The following IGFN1 variants were observed in gnomAD, a reference collection of about 807,000 sequenced individuals.
IGFN1 encodes immunoglobulin-like and fibronectin type III domain-containing protein 1.
In IGFN1, 253 loss-of-function variants were observed where a neutral mutation model predicts 289.5. The ratio of observed to expected loss-of-function variants is 0.87; its 90% CI spans 0.79 to 0.97. The LOEUF is 0.97. IGFN1 is among the 50% of genes least tolerant of loss of function. The probability of loss-of-function intolerance (pLI) is 0.00; values close to 1 mark genes in which losing one functional copy is unlikely to be tolerated. For synonymous variants in IGFN1, 1,706 were observed against 1,788.5 expected (o/e 0.95, Z 1.16); for missense variants, 4,470 against 4,686.1 (o/e 0.95, Z 1.35).
intron 9 of IGFN1, 111 bp from the exon 10 acceptor site, chr1:201,203,627 C>G: frequency 5.2e-6 from 5 of 966,278 alleles, no homozygotes; most frequent in Non-Finnish European, 6.1e-6. Context: ...AATCTGTTGT[C>G]TGGCGACTGG....
At chr1:201,214,923 C>G in intron 13 of IGFN1, 90 bp from the exon 14 acceptor site, 1 of 1,320,564 alleles carries the variant, frequency 7.6e-7, no homozygotes, top group South Asian at 1.4e-5. Flanking sequence ...TTATCAGGAT[C>G]CCAGCATCAG....
In IGFN1 at chr1:201,195,938, A is replaced by C; in HGVS notation, c.227A>C (p.Lys76Thr). The change falls in exon 4 of 24, where the codon AAG (lysine) becomes ACG (threonine). Residue 76 changes from lysine (K) to threonine (T), a missense_variant. By Grantham distance (78) the Lys-to-Thr change is moderately conservative. This residue lies in a region of IGFN1 where 2,011 missense variants were observed against 1,953.4 expected (regional missense o/e 1.03). Coordinates refer to ENST00000335211, the MANE Select transcript of IGFN1 (RefSeq NM_001164586.2). ...GACCTCAGTGATTCCAGCAAGTACA[A>C]GATCTCCTCCAGCCCTGGCAGCAAG... ...KGDLSDSSKY[K>T]ISSSPGSKEH... 1.3e-6 allele frequency: 2 copies of C among 1,551,874 alleles called. No individual in the cohort carries two copies. Among genetic ancestry groups the C allele is most frequent in the Non-Finnish European group, 1.7e-6 (2 of 1,147,024 alleles).
intron 10 of IGFN1, among the ~76,000 whole-genome samples, 183 bp from the exon 11 acceptor site, chr1:201,204,899 A>T (rs1571445717): frequency 1.3e-5 from 2 of 152,272 alleles, no homozygotes; most frequent in East Asian, 3.9e-4. Flanking sequence ...TCATAACTGT[A>T]GCCCCTCATT....
Position 201,217,470 on chromosome 1 carries a change from G to A in IGFN1, c.9769+10G>A. ...GACCAGCCGGTGCCTGGTGAGCATT[G>A]TCCTGGCTTCCAGAGCTTCCTTAGA... is the stretch of plus-strand genomic sequence containing the variant. On this transcript the variant is annotated intron_variant, in intron 17 of 23. Coordinates refer to ENST00000335211, the MANE Select transcript of IGFN1 (RefSeq NM_001164586.2). 1 of 1,613,770 alleles carries A rather than the reference G, an allele frequency of 6.2e-7. No individual in the cohort carries two copies. The highest frequency in any genetic ancestry group is 8.5e-7 in the Non-Finnish European group (1 of 1,179,762).
At chr1:201,193,441 T>A in intron 2 of IGFN1, 141 bp downstream of exon 2, 1 of 634,268 alleles carries the variant, frequency 1.6e-6, no homozygotes, top group Non-Finnish European at 2.8e-6. Context: ...TTTTATTTTA[T>A]TTTATTTTTA....
rs1401940668 is a variant in IGFN1, at chr1:201,213,195, C to G, written c.8302C>G (p.Gln2768Glu). The G allele has an allele frequency of 1.9e-6, 3 of 1,551,484 alleles. No individual in the cohort carries two copies. Among genetic ancestry groups the G allele is most frequent in the Non-Finnish European group, 2.6e-6 (3 of 1,146,954 alleles). Residue 2768 changes from glutamine to glutamate, a missense_variant, in exon 12 of 24, where the codon CAG becomes GAG. Physicochemically the swap from Gln to Glu is conservative, Grantham distance 29. This residue lies in a region of IGFN1 where 2,218 missense variants were observed against 2,114.1 expected (regional missense o/e 1.05). Transcript: ENST00000335211. ...CCTGAGCTCTCAGCGAGGCAAGGGA[C>G]AGAGAGGAGGAAAGAGGTCCCTCGG... ...QDLSSQRGKG[Q>E]RGGKRSLGEQ... is the part of the protein sequence containing the mutation.
rs116563755 is a variant in IGFN1, at chr1:201,192,465, G to A, written c.-47-782G>A. 2.4e-3 allele frequency among the ~76,000 whole-genome samples: 361 copies of A among 152,270 alleles called. 3 individuals are homozygous for A. The highest frequency in any genetic ancestry group is 8.3e-3 in the African/African-American group (344 of 41,540). ...CTCTCCTGTGTGGGACTCCCCATTGGCCATAACAGATGGATGCAATTAAGA... is the reference window on the plus strand; with the variant it reads ...CTCTCCTGTGTGGGACTCCCCATTGACCATAACAGATGGATGCAATTAAGA... On this transcript the variant is annotated intron_variant, in intron 1 of 23. Coordinates refer to ENST00000335211, the MANE Select transcript of IGFN1 (RefSeq NM_001164586.2).
chr1:201,223,567 C>T (rs1419057913), intron 20 of IGFN1, among the ~76,000 whole-genome samples: 1 of 152,070 alleles, frequency 6.6e-6, no homozygotes, highest in Non-Finnish European at 1.5e-5. Flanking sequence ...GATGGGGTTT[C>T]GCCGTGTTGG....
rs778805082 is a variant in IGFN1, at chr1:201,221,479, G to C, written c.9934G>C (p.Asp3312His). The change falls in exon 19 of 24, where the codon GAC becomes CAC. Residue 3312 changes from aspartate (D) to histidine (H), a missense_variant. Asp to His is a moderately conservative substitution (Grantham distance 81, BLOSUM62 -1). Coordinates refer to ENST00000335211, the MANE Select transcript of IGFN1 (RefSeq NM_001164586.2). ...PGLVRNLQVT[D>H]RSNTSITLSW... ...GCTGGTGAGGAATCTCCAAGTCACA[G>C]ACAGATCGAACACCAGCATCACTCT... is the stretch of plus-strand genomic sequence containing the variant. The C allele has an allele frequency of 6.2e-7, 1 of 1,610,810 alleles. No homozygotes were observed. Among genetic ancestry groups the C allele is most frequent in the South Asian group, 1.1e-5 (1 of 90,246 alleles).
chr1:201,197,413 G>A, intron 5 of IGFN1, 96 bp downstream of exon 5: 1 of 640,970 alleles, frequency 1.6e-6, no homozygotes, highest in Non-Finnish European at 2.7e-6. Flanking sequence ...GGAGGGGAGG[G>A]AAGGGAGGCC....
rs750791188 is a variant in IGFN1 at position 201,213,029 on chromosome 1, C to A, written c.8136C>A (p.Ile2712=). 1.3e-6 allele frequency: 2 copies of A among 1,551,594 alleles called. No individual in the cohort carries two copies. Among genetic ancestry groups the A allele is most frequent in the South Asian group, 1.2e-5 (1 of 84,060 alleles). The stretch of plus-strand genomic sequence containing the variant: ...CTGTTGATGCAGAGGACTCAGGTAT[C>A]CTGGGCAAGGGGAATTCTACTGAGT... ...GSSVDAEDSG[I]LGKGNSTEWG... The change falls in exon 12 of 24, where the codon ATC becomes ATA. Residue 2712 remains isoleucine, a synonymous_variant. Transcript: ENST00000335211.
chr1:201,220,440 A>G (rs576162412), intron 18 of IGFN1, among the ~76,000 whole-genome samples: 31 of 152,308 alleles, frequency 2.0e-4, no homozygotes, highest in African/African-American at 6.7e-4. Flanking sequence ...TCGGCCTCCT[A>G]AAGTGCTGGG....
chr1:201,215,510 C>T (rs768143995), intron 14 of IGFN1, 29 bp from the exon 15 acceptor site: 5 of 1,523,398 alleles, frequency 3.3e-6, no homozygotes, highest in Non-Finnish European at 4.4e-6. Context: ...GTGCCCTGGT[C>T]TTCCTTGACT....
chr1:201,211,912 A>G lies in IGFN1; in HGVS notation c.7019A>G (p.Tyr2340Cys), dbSNP rs1037694753. The change falls in exon 12 of 24, where the codon TAT becomes TGT. Residue 2340 changes from tyrosine (Y) to cysteine (C), a missense_variant. By Grantham distance (194) the Tyr-to-Cys change is radical (BLOSUM62 -2). This residue lies in a region of IGFN1 where 2,218 missense variants were observed against 2,114.1 expected (regional missense o/e 1.05). Coordinates refer to ENST00000335211, the MANE Select transcript of IGFN1 (RefSeq NM_001164586.2). ...SGMGSGSEVS[Y>C]RGGSGGSGET... ...ATGGGGTCAGGGAGTGAGGTCAGTT[A>G]TAGAGGAGGCTCAGGAGGATCTGGG... 53 of 1,527,922 alleles carry G rather than the reference A, an allele frequency of 3.5e-5. No homozygotes were observed. The highest frequency in any genetic ancestry group is 4.5e-5 in the Non-Finnish European group (51 of 1,142,338). 94.6% of individuals were successfully genotyped at this position (1,527,922 alleles called of 1,614,324 possible). A position where few individuals can be genotyped will look rare whatever the true frequency, so the allele number is the denominator to read the frequency against.
chr1:201,208,662 G>C lies in IGFN1; in HGVS notation c.3769G>C (p.Gly1257Arg), dbSNP rs1294665876. ...TGAGGCAGGCTTTAGAGATGGTTCA[G>C]GAGGCCTCCAAGGAATGGGATCAGC... is the stretch of plus-strand genomic sequence containing the variant. ...GGEAGFRDGS[G>R]GLQGMGSADG... The change falls in exon 12 of 24, where the codon GGA (glycine) becomes CGA (arginine). Residue 1257 changes from glycine to arginine, a missense_variant. Physicochemically the swap from Gly to Arg is moderately radical, Grantham distance 125. Coordinates refer to ENST00000335211, the MANE Select transcript of IGFN1 (RefSeq NM_001164586.2). 1 of 1,536,414 alleles carries C rather than the reference G, an allele frequency of 6.5e-7. No homozygotes were observed. Among genetic ancestry groups the C allele is most frequent in the South Asian group, 1.2e-5 (1 of 83,900 alleles).
chr1:201,215,427 G>A (rs1558153578), intron 14 of IGFN1, 112 bp from the exon 15 acceptor site: 1 of 987,246 alleles, frequency 1.0e-6, no homozygotes, highest in South Asian at 1.7e-5. Context: ...TCATGTGGTG[G>A]GGCAGGGGAT....
At position 201,222,761 on chromosome 1, in the gene IGFN1, C is replaced by A. The variant is rs775704143; in HGVS notation, c.10224C>A (p.Asp3408Glu). Reference sequence around the variant, plus strand: ...CAGTCTGTCCCAAGTTCCTCGTGGACTCCAGCACCAAGGACTTGCTGACAG... The same window carrying A: ...CAGTCTGTCCCAAGTTCCTCGTGGAATCCAGCACCAAGGACTTGCTGACAG... ...PVTVCPKFLV[D>E]SSTKDLLTVK... is the part of the protein sequence containing the mutation. The change falls in exon 20 of 24, where the codon GAC becomes GAA. Residue 3408 changes from aspartate (D) to glutamate (E), a missense_variant. Transcript: ENST00000335211. The A allele has an allele frequency of 3.1e-6, 5 of 1,613,404 alleles. No homozygotes were observed. The East Asian group carries it at 1.1e-4, about 36-fold the overall frequency.
Position 201,217,354 on chromosome 1 carries a change from G to T in IGFN1, c.9663G>T (p.Trp3221Cys), listed in dbSNP as rs759675612. Residue 3221 changes from tryptophan (W) to cysteine (C), a missense_variant, in exon 17 of 24, where the codon TGG (tryptophan) becomes TGT (cysteine). Transcript: ENST00000335211. ...SASSQGITLT[W>C]TAPRGPGSAH... ...CCAGCCAGGGCATCACACTGACATG[G>T]ACAGCACCTCGGGGCCCCGGCAGCG... The T allele has an allele frequency of 2.5e-6, 4 of 1,614,166 alleles. No homozygotes were observed. The Admixed American group carries it at 5.0e-5, about 20-fold the overall frequency.
intron 18 of IGFN1, among the ~76,000 whole-genome samples, chr1:201,220,025 C>T (rs1374701144): frequency 6.7e-6 from 1 of 148,250 alleles, no homozygotes; most frequent in Non-Finnish European, 1.5e-5. Context: ...TCTCCCCCTT[C>T]CTCCCTCCCT....
Sources: allele counts gnomAD v4.1 joint callset (sites outside exome capture counted in the v4.1 genomes callset), GRCh38; gene constraint gnomAD v4.1.1; regional missense constraint gnomAD v4.1.1; transcripts MANE v1.5; gene names NCBI Gene and HGNC (gene_info 2026-07-23, HGNC 2026-07-21).